The following TAFA5 variants were observed in gnomAD, a reference collection of about 807,000 sequenced individuals.
TAFA5 encodes TAFA chemokine like family member 5.
TAFA5 carries 6 observed loss-of-function variants against 15.3 expected under a neutral mutation model. The observed-to-expected ratio is 0.39, with a 90% CI of 0.21 to 0.77. The LOEUF (loss-of-function observed/expected upper bound fraction) is 0.77. TAFA5 is among the 30% of genes least tolerant of loss of function. TAFA5 has a pLI of 0.41. For missense variants in TAFA5, 161 were observed against 193.1 expected (o/e 0.83, Z 0.98); for synonymous variants, 103 against 80.7 (o/e 1.28, Z -1.48).
intron 3 of TAFA5, among the ~76,000 whole-genome samples, chr22:48,739,073 C>T (rs1370457069): frequency 6.6e-6 from 1 of 152,188 alleles, no homozygotes; most frequent in Non-Finnish European, 1.5e-5. Context: ...GCAAAAGCAG[C>T]AGCTCCATAG....
At chr22:48,601,635 C>G (rs1437204509) in intron 1 of TAFA5, among the ~76,000 whole-genome samples, 1 of 152,146 alleles carries the variant, frequency 6.6e-6, no homozygotes, top group Non-Finnish European at 1.5e-5. Flanking sequence ...CCCCTTATAT[C>G]TTTTGAATGG....
At chr22:48,620,941 C>CACCCACCT (rs1569051162) in intron 1 of TAFA5, among the ~76,000 whole-genome samples, 21 of 27,372 alleles carry the variant, frequency 7.7e-4, no homozygotes, top group East Asian at 1.6e-3. Context: ...TCCCCCCACC[C>CACCCACCT]ACCCTATCTA....
At chr22:48,605,497 G>A (rs1925161177) in intron 1 of TAFA5, among the ~76,000 whole-genome samples, 1 of 151,916 alleles carries the variant, frequency 6.6e-6, no homozygotes, top group Admixed American at 6.6e-5. Flanking sequence ...GGATGGTGAT[G>A]GTAATGGCAA....
intron 3 of TAFA5, among the ~76,000 whole-genome samples, chr22:48,731,072 A>G (rs1252322702): frequency 1.3e-5 from 2 of 152,230 alleles, no homozygotes; most frequent in Non-Finnish European, 2.9e-5. Context: ...TCCAGTGAAT[A>G]TACGAATGAT....
At chr22:48,544,607 C>T in intron 1 of TAFA5, 1 of 442,870 alleles carries the variant, frequency 2.3e-6, no homozygotes, top group Non-Finnish European at 4.7e-6. Context: ...CAGAGCGGCA[C>T]AGCTGGCTAG....
At chr22:48,557,675 C>T (rs1020218949) in intron 1 of TAFA5, among the ~76,000 whole-genome samples, 4 of 152,342 alleles carry the variant, frequency 2.6e-5, no homozygotes, top group East Asian at 1.9e-4. Context: ...CTGAGCGCCA[C>T]GGCCACTCGC....
chr22:48,571,415 C>G (rs1199846359), intron 1 of TAFA5, among the ~76,000 whole-genome samples: 1 of 151,182 alleles, frequency 6.6e-6, no homozygotes, highest in East Asian at 2.0e-4. Flanking sequence ...CCTGGGATTA[C>G]AGGCACCCAC....
chr22:48,724,960 G>A (rs997619979), intron 3 of TAFA5, among the ~76,000 whole-genome samples: 1 of 152,258 alleles, frequency 6.6e-6, no homozygotes, highest in East Asian at 1.9e-4. Context: ...AGCTAGAGTA[G>A]GAGTAAGCAA....
chr22:48,708,250 G>T (rs1368829297), intron 3 of TAFA5, among the ~76,000 whole-genome samples: 2 of 152,146 alleles, frequency 1.3e-5, no homozygotes, highest in East Asian at 1.9e-4. Context: ...CACGGCGGGG[G>T]TTCTGTGGAG....
intron 1 of TAFA5, among the ~76,000 whole-genome samples, chr22:48,524,532 A>G (rs1223903355): frequency 6.6e-6 from 1 of 152,214 alleles, no homozygotes; most frequent in East Asian, 1.9e-4. Flanking sequence ...TGAGATGCGG[A>G]AGAGGCATCA....
chr22:48,568,807 T>C (rs536035574), intron 1 of TAFA5, among the ~76,000 whole-genome samples: 1 of 152,252 alleles, frequency 6.6e-6, no homozygotes, highest in South Asian at 2.1e-4. Context: ...CAGCCCAGGC[T>C]CCCTTCTCCC....
intron 1 of TAFA5, among the ~76,000 whole-genome samples, chr22:48,527,363 A>C (rs1003151292): frequency 6.6e-6 from 1 of 152,210 alleles, no homozygotes; most frequent in Admixed American, 6.5e-5. Context: ...TTCTGAATGG[A>C]TGAGCAGCTA....
At chr22:48,674,009 C>T (rs73433893) in intron 2 of TAFA5, among the ~76,000 whole-genome samples, 12,636 of 151,684 alleles carry the variant, frequency 0.083, 778 homozygotes, top group African/African-American at 0.17. Context: ...ACTTTTTGCC[C>T]GCCTCACATC....
chr22:48,499,397 G>A (rs1010819273), intron 1 of TAFA5, among the ~76,000 whole-genome samples: 1 of 152,124 alleles, frequency 6.6e-6, no homozygotes, highest in African/African-American at 2.4e-5. Flanking sequence ...TCTACAGCCC[G>A]CATTTCCTAA....
intron 1 of TAFA5, among the ~76,000 whole-genome samples, chr22:48,577,070 C>G (rs114028318): frequency 0.041 from 6,221 of 152,302 alleles, 421 homozygotes; most frequent in African/African-American, 0.14. Flanking sequence ...GGGCCCAAGC[C>G]GCCTTCCAGA....
intron 1 of TAFA5, among the ~76,000 whole-genome samples, chr22:48,524,739 A>G (rs1301664542): frequency 2.6e-5 from 4 of 152,114 alleles, no homozygotes; most frequent in Non-Finnish European, 5.9e-5. Flanking sequence ...GAGCTTCCCC[A>G]GGGCCAGCAG....
chr22:48,721,560 C>T (rs1375012593), intron 3 of TAFA5, among the ~76,000 whole-genome samples: 1 of 152,164 alleles, frequency 6.6e-6, no homozygotes, highest in Non-Finnish European at 1.5e-5. Context: ...TGCTGGAAAA[C>T]CTGTTTTTCT....
intron 2 of TAFA5, among the ~76,000 whole-genome samples, chr22:48,659,633 G>GTTC (rs57300408): frequency 0.039 from 5,991 of 152,328 alleles, 190 homozygotes; most frequent in East Asian, 0.13. Flanking sequence ...TCACCCACTT[G>GTTC]TTCTCGCCCT....
intron 3 of TAFA5, among the ~76,000 whole-genome samples, chr22:48,741,148 G>A (rs1421001827): frequency 6.6e-6 from 1 of 152,196 alleles, no homozygotes; most frequent in African/African-American, 2.4e-5. Flanking sequence ...ATGAGGCTCT[G>A]GGAAGTGAGG....
Sources: allele counts gnomAD v4.1 joint callset (sites outside exome capture counted in the v4.1 genomes callset), GRCh38; gene constraint gnomAD v4.1.1; transcripts MANE v1.5; gene names NCBI Gene and HGNC (gene_info 2026-07-23, HGNC 2026-07-21).